The following DGKH variants were observed in gnomAD, a reference collection of about 807,000 sequenced individuals.
The protein encoded by DGKH is DAG kinase eta.
A neutral mutation model predicts 159.3 loss-of-function variants in DGKH; 90 were observed. The ratio of observed to expected loss-of-function variants is 0.57; its 90% CI spans 0.48 to 0.67. The LOEUF (loss-of-function observed/expected upper bound fraction) is 0.67, where lower values mean the gene tolerates loss of function less well. DGKH is among the 30% of genes least tolerant of loss of function. DGKH has a pLI of 0.00. For missense variants in DGKH, 1,181 were observed against 1,506.1 expected, an observed-to-expected ratio of 0.78 and a Z score of 3.57; for synonymous variants, 536 against 553.8, an observed-to-expected ratio of 0.97 and a Z score of 0.45.
chr13:42,053,680 A>G (rs1423975435), intron 1 of DGKH, among the ~76,000 whole-genome samples: 1 of 150,996 alleles, frequency 6.6e-6, no homozygotes, highest in Non-Finnish European at 1.5e-5. Context: ...GTGCAGTGGC[A>G]TGATCTCGGC....
intron 22 of DGKH, 36 bp from the exon 23 acceptor site, chr13:42,209,295 A>T (rs781340957): frequency 6.3e-7 from 1 of 1,588,482 alleles, no homozygotes; most frequent in Non-Finnish European, 8.6e-7. Flanking sequence ...TTTTCTCTGG[A>T]TGATTTGTAC....
intron 1 of DGKH, among the ~76,000 whole-genome samples, chr13:42,121,532 C>G (rs1040399841): frequency 1.5e-4 from 23 of 152,108 alleles, no homozygotes; most frequent in African/African-American, 5.3e-4. Flanking sequence ...TGAGATAGAC[C>G]TCCCGGACTC....
chr13:42,087,982 A>T (rs1045448963), intron 1 of DGKH, among the ~76,000 whole-genome samples: 7 of 152,196 alleles, frequency 4.6e-5, no homozygotes, highest in Admixed American at 2.6e-4. Flanking sequence ...ATCAACTTGC[A>T]GGAAACCAGG....
chr13:42,193,945 T>C (rs540645617), intron 16 of DGKH, among the ~76,000 whole-genome samples: 2 of 152,310 alleles, frequency 1.3e-5, no homozygotes, highest in South Asian at 4.1e-4. Flanking sequence ...TTAACTTGCC[T>C]CAGTTTAGAG....
intron 4 of DGKH, 96 bp downstream of exon 4, chr13:42,155,491 C>T (rs1220650220): frequency 1.4e-6 from 2 of 1,465,856 alleles, no homozygotes; most frequent in African/African-American, 1.4e-5. Context: ...TATGTGTACA[C>T]TCATTCAGCA....
At chr13:42,199,538 T>C (rs757451291) in intron 18 of DGKH, 28 bp from the exon 19 acceptor site, 1 of 1,444,504 alleles carries the variant, frequency 6.9e-7, no homozygotes, top group Non-Finnish European at 9.5e-7. Flanking sequence ...TCAAATTGAC[T>C]TTGATGTACT....
At chr13:42,155,929 G>A (rs77450628) in intron 5 of DGKH, 130 bp downstream of exon 5, 17 of 1,065,928 alleles carry the variant, frequency 1.6e-5, no homozygotes, top group Middle Eastern at 3.1e-4. Flanking sequence ...TTTTTGCTCA[G>A]GAAAAAAAAA....
At chr13:42,057,785 T>A (rs1881870830) in intron 1 of DGKH, among the ~76,000 whole-genome samples, 1 of 152,106 alleles carries the variant, frequency 6.6e-6, no homozygotes, top group Non-Finnish European at 1.5e-5. Flanking sequence ...AAACGCATAG[T>A]ATATGAGAAG....
chr13:42,049,311 C>G (rs949072324), intron 1 of DGKH, among the ~76,000 whole-genome samples: 18 of 152,154 alleles, frequency 1.2e-4, no homozygotes, highest in Admixed American at 3.3e-4. Context: ...GTGCAGGGAA[C>G]CCGCGGCTCG....
At chr13:42,160,276 T>C in intron 7 of DGKH, 140 bp downstream of exon 7, 1 of 1,199,120 alleles carries the variant, frequency 8.3e-7, no homozygotes, top group Non-Finnish European at 1.2e-6. Context: ...GACATTCTTC[T>C]TTCCTTACAG....
upstream of DGKH, among the ~76,000 whole-genome samples, chr13:42,047,293 A>G (rs1284726898): frequency 2.6e-5 from 4 of 152,206 alleles, no homozygotes; most frequent in Admixed American, 1.3e-4. Context: ...TAGCTCTAAT[A>G]TATCAAATTT....
intron 26 of DGKH, among the ~76,000 whole-genome samples, chr13:42,215,888 A>G (rs979082755): frequency 1.3e-5 from 2 of 152,174 alleles, no homozygotes; most frequent in Non-Finnish European, 2.9e-5. Context: ...CCCCTCATAT[A>G]TGCCATCCTG....
At chr13:42,176,459 G>A (rs1956605656) in intron 12 of DGKH, among the ~76,000 whole-genome samples, 1 of 152,148 alleles carries the variant, frequency 6.6e-6, no homozygotes, top group African/African-American at 2.4e-5. Flanking sequence ...GCAACATCTT[G>A]TGTAACTTGG....
chr13:42,219,917 G>C, intron 28 of DGKH, 123 bp downstream of exon 28: 3 of 733,414 alleles, frequency 4.1e-6, no homozygotes, highest in Non-Finnish European at 6.7e-6. Context: ...GCAGTATGAT[G>C]AACATACTGT....
At chr13:42,102,114 G>A (rs1034430236) in intron 1 of DGKH, among the ~76,000 whole-genome samples, 3 of 152,260 alleles carry the variant, frequency 2.0e-5, no homozygotes, top group Admixed American at 6.5e-5. Context: ...AGGAAGGAAA[G>A]GGATGATTCC....
chr13:42,155,934 A>G, intron 5 of DGKH, 135 bp downstream of exon 5: 2 of 1,043,012 alleles, frequency 1.9e-6, no homozygotes, highest in Non-Finnish European at 1.3e-6. Context: ...GCTCAGGAAA[A>G]AAAAACATAG....
At chr13:42,161,151 C>T (rs1221534373) in intron 7 of DGKH, among the ~76,000 whole-genome samples, 1 of 152,168 alleles carries the variant, frequency 6.6e-6, no homozygotes, top group African/African-American at 2.4e-5. Flanking sequence ...GCAAGCCTAG[C>T]CCCTAAAACC....
At chr13:42,067,841 A>AACCTAATTTT (rs1158670878) in intron 1 of DGKH, among the ~76,000 whole-genome samples, 1 of 152,184 alleles carries the variant, frequency 6.6e-6, no homozygotes, top group Non-Finnish European at 1.5e-5. Context: ...TGCTACATTT[A>AACCTAATTTT]ACCTAATTTT....
chr13:42,123,545 G>GA (rs5803113), intron 1 of DGKH, among the ~76,000 whole-genome samples: 149,707 of 151,156 alleles, frequency 0.99, 74,145 homozygotes, highest in Middle Eastern at 1. Context: ...TAATACAATG[G>GA]AAAAAAAAAG....
Sources: allele counts gnomAD v4.1 joint callset (sites outside exome capture counted in the v4.1 genomes callset), GRCh38; gene constraint gnomAD v4.1.1; transcripts MANE v1.5; gene names NCBI Gene and HGNC (gene_info 2026-07-23, HGNC 2026-07-21).